FAM120C: variants seen among roughly 807,000 people sequenced by gnomAD.
FAM120C encodes family with sequence similarity 120 member C.
FAM120C carries 14 observed loss-of-function variants against 71.2 expected under a neutral mutation model. The ratio of observed to expected loss-of-function variants is 0.20; its 90% CI spans 0.13 to 0.31. The LOEUF (loss-of-function observed/expected upper bound fraction) is 0.31, where lower values mean the gene tolerates loss of function less well. FAM120C is among the 10% of genes least tolerant of loss of function. The pLI, the probability that FAM120C is intolerant of heterozygous loss-of-function variation, is 1.00. For synonymous variants in FAM120C, 354 were observed against 353.2 expected (o/e 1.00, Z -0.03); for missense variants, 500 against 879.0 (o/e 0.57, Z 5.45).
intron 12 of FAM120C, 77 bp from the exon 13 acceptor site, chrX:54,085,993 C>T: frequency 1.1e-6 from 1 of 873,768 alleles, no homozygotes; most frequent in Non-Finnish European, 1.7e-6. Flanking sequence ...GGATGGAGCA[C>T]TCTAGGTACA....
intron 1 of FAM120C, among the ~76,000 whole-genome samples, chrX:54,167,803 T>A (rs868939832): frequency 1.5e-4 from 15 of 97,382 alleles, no homozygotes; most frequent in African/African-American, 3.1e-4. Flanking sequence ...CGTCTCTATT[T>A]AAAAAAAAAA....
intron 3 of FAM120C, among the ~76,000 whole-genome samples, chrX:54,153,704 A>G (rs2067194969): frequency 9.1e-6 from 1 of 109,495 alleles, no homozygotes; most frequent in Non-Finnish European, 1.9e-5. Context: ...AGTAGCTGGG[A>G]TTATAGGTGA....
intron 10 of FAM120C, among the ~76,000 whole-genome samples, chrX:54,115,809 G>A (rs2066964678): frequency 8.9e-6 from 1 of 111,944 alleles, no homozygotes; most frequent in Non-Finnish European, 1.9e-5. Flanking sequence ...AACAGGCCGG[G>A]CGGGGTGGCT....
At position 54,151,880 on chromosome X, in the gene FAM120C, A is replaced by G. The variant is rs113104434; in HGVS notation, c.1030-507T>C. Reference sequence around the variant, plus strand: ...TTAGAGATGTGTACTGAAGAATGTGAAAGGGATTTGCTTTAAAAAACATTA... The same window carrying G: ...TTAGAGATGTGTACTGAAGAATGTGGAAGGGATTTGCTTTAAAAAACATTA... On this transcript the variant is annotated intron_variant, in intron 3 of 15. Coordinates refer to ENST00000375180, the MANE Select transcript of FAM120C (RefSeq NM_017848.6). Among the ~76,000 whole-genome samples, 1,010 of 111,803 alleles carry G rather than the reference A, an allele frequency of 9.0e-3. 8 individuals are homozygous for G. The highest frequency in any genetic ancestry group is 0.032 in the African/African-American group (982 of 30,808).
rs962831417 is a variant in FAM120C, at chrX:54,088,521, G to A, written c.2428-557C>T. ...GTGGGAGCATCATTTGAACCTGGGA[G>A]GTGAAGGTTGCAGTGAGCCGAGATT... On this transcript the variant is annotated intron_variant, in intron 11 of 15. Coordinates refer to ENST00000375180, the MANE Select transcript of FAM120C (RefSeq NM_017848.6). Among the ~76,000 whole-genome samples the A allele has an allele frequency of 3.9e-5, 4 of 101,585 alleles. No individual in the cohort carries two copies. The Admixed American group carries it at 4.4e-4, about 11-fold the overall frequency. The allele number at this position is 101,585 out of a possible 115,157, so 88.2% of individuals were successfully genotyped here.
At chrX:54,151,748 G>A (rs1258297056) in intron 3 of FAM120C, among the ~76,000 whole-genome samples, 1 of 111,195 alleles carries the variant, frequency 9.0e-6, no homozygotes, top group Non-Finnish European at 1.9e-5. Context: ...AGACAATCAG[G>A]AAAATCTGAA....
At chrX:54,177,081 G>C (rs1007177052) in intron 1 of FAM120C, among the ~76,000 whole-genome samples, 3 of 111,331 alleles carry the variant, frequency 2.7e-5, no homozygotes, top group African/African-American at 9.8e-5. Flanking sequence ...GTATGTCTAG[G>C]AAACTAAGAA....
rs2067184139 is a variant in FAM120C, at chrX:54,151,487, T to C, written c.1030-114A>G. ...ATTTGGTAAATCCACAGAGAGACAGTTAAAATATTTTCTTTAAAAATAGTT... is the reference window on the plus strand; with the variant it reads ...ATTTGGTAAATCCACAGAGAGACAGCTAAAATATTTTCTTTAAAAATAGTT... On this transcript the variant is annotated intron_variant, in intron 3 of 15. Transcript: ENST00000375180. 5 of 848,382 alleles carry C rather than the reference T, an allele frequency of 5.9e-6. No homozygotes were observed. In the South Asian group the frequency reaches 1.4e-4, roughly 24 times the overall value. 69.9% of individuals were successfully genotyped at this position (848,382 alleles called of 1,213,427 possible).
At chrX:54,167,288 ACTGTTACCAC>A (rs1178751419) in intron 1 of FAM120C, among the ~76,000 whole-genome samples, 1 of 111,831 alleles carries the variant, frequency 8.9e-6, no homozygotes, top group Non-Finnish European at 1.9e-5. Context: ...ATTTATCATC[ACTGTTACCAC>A]CTGTAAGCGC....
intron 1 of FAM120C, among the ~76,000 whole-genome samples, chrX:54,175,110 T>C (rs782683109): frequency 1.8e-5 from 2 of 111,755 alleles, no homozygotes; most frequent in African/African-American, 6.5e-5. Context: ...TACTTCATTT[T>C]CTCCACAGCA....
chrX:54,090,175 G>A (rs782358476), intron 11 of FAM120C, among the ~76,000 whole-genome samples: 5 of 109,385 alleles, frequency 4.6e-5, no homozygotes, highest in Non-Finnish European at 9.5e-5. Context: ...GGTAATGAGC[G>A]AGTTTTCACT....
intron 1 of FAM120C, among the ~76,000 whole-genome samples, chrX:54,175,457 A>G (rs959550075): frequency 6.3e-5 from 7 of 110,851 alleles, no homozygotes; most frequent in South Asian, 3.9e-4. Context: ...AGCTTAAAGC[A>G]TGAGAGTGAG....
At chrX:54,176,959 C>T (rs1262265292) in intron 1 of FAM120C, among the ~76,000 whole-genome samples, 1 of 111,754 alleles carries the variant, frequency 8.9e-6, no homozygotes, top group Non-Finnish European at 1.9e-5. Context: ...CCACAGCTGA[C>T]AGAGGCTGGC....
intron 3 of FAM120C, among the ~76,000 whole-genome samples, chrX:54,153,114 G>A (rs1340532447): frequency 1.8e-5 from 2 of 111,676 alleles, no homozygotes; most frequent in Non-Finnish European, 3.8e-5. Flanking sequence ...GCTAGGGAAT[G>A]CAAATATGTA....
In FAM120C at chrX:54,132,823, T is replaced by C; in HGVS notation, c.1931A>G (p.Asn644Ser). 8.3e-7 allele frequency: 1 copy of C among 1,206,778 alleles called. No homozygotes were observed. Among genetic ancestry groups the C allele is most frequent in the Non-Finnish European group, 1.1e-6 (1 of 893,628 alleles). Reference protein sequence around the residue: ...KIPVCIEDECNMELPPAALLF... With the variant: ...KIPVCIEDECSMELPPAALLF... ...GAGAGCAGCTGGAGGCAGCTCCATG[T>C]TACACTCATCCTCAATACATACGGG... Residue 644 changes from asparagine (N) to serine (S), a missense_variant, in exon 9 of 16, where the codon AAC becomes AGC. Physicochemically the swap from Asn to Ser is conservative, Grantham distance 46. Around this residue, in one of 11 missense-constraint regions of FAM120C, gnomAD observed 104 missense variants for 254.5 expected, o/e 0.41. Transcript: ENST00000375180.
intron 10 of FAM120C, among the ~76,000 whole-genome samples, chrX:54,108,271 TA>T (rs1419916146): frequency 2.3e-4 from 25 of 110,387 alleles, no homozygotes; most frequent in African/African-American, 8.2e-4. Context: ...TACTAAGACA[TA>T]AAGGAAGAAA....
At chrX:54,125,899 G>C (rs1384853395) in intron 9 of FAM120C, among the ~76,000 whole-genome samples, 1 of 112,192 alleles carries the variant, frequency 8.9e-6, no homozygotes, top group Non-Finnish European at 1.9e-5. Flanking sequence ...GATTTCATCA[G>C]CATTTTGTGA....
At chrX:54,085,612 G>A (rs189571268) in intron 13 of FAM120C, 103 bp downstream of exon 13, 11 of 749,200 alleles carry the variant, frequency 1.5e-5, no homozygotes, top group Admixed American at 1.0e-4. Flanking sequence ...TCAATGAGAT[G>A]AGATATATGT....
At chrX:54,167,588 A>G (rs1451563123) in intron 1 of FAM120C, among the ~76,000 whole-genome samples, 1 of 111,030 alleles carries the variant, frequency 9.0e-6, no homozygotes, top group Non-Finnish European at 1.9e-5. Flanking sequence ...GTTATGGAGC[A>G]CAGGGTACCA....
Sources: allele counts gnomAD v4.1 joint callset (sites outside exome capture counted in the v4.1 genomes callset), GRCh38; gene constraint gnomAD v4.1.1; regional missense constraint gnomAD v4.1.1; transcripts MANE v1.5; gene names NCBI Gene and HGNC (gene_info 2026-07-23, HGNC 2026-07-21).